Variants in NBPF12 observed in about 807,000 individuals in gnomAD.
NBPF12 encodes the protein NBPF family member NBPF12.
In NBPF12, 115 loss-of-function variants were observed where a neutral mutation model predicts 146.4. The observed-to-expected ratio is 0.79, with a 90% CI of 0.68 to 0.92. The LOEUF (loss-of-function observed/expected upper bound fraction) is 0.92, where lower values mean the gene tolerates loss of function less well. Among genes scored for constraint, NBPF12 ranks in the 40% least tolerant of loss-of-function variants. The probability of loss-of-function intolerance (pLI) is 0.00; values close to 1 mark genes in which losing one functional copy is unlikely to be tolerated. For missense variants in NBPF12, 1,205 were observed against 1,326.8 expected, an observed-to-expected ratio of 0.91 and a Z score of 1.43; for synonymous variants, 385 against 508.9, an observed-to-expected ratio of 0.76 and a Z score of 3.28.
rs878862410 is a variant in NBPF12, at chr1:146,940,844, C to A, written c.-822+1862C>A. On this transcript the variant is annotated intron_variant, in intron 1 of 35. Transcript: ENST00000617931. ...CAGTAATATATCAATGCGGTTTCAACTTCCATTTTCCTGGTATTGAGATTG... is the reference window on the plus strand; with the variant it reads ...CAGTAATATATCAATGCGGTTTCAAATTCCATTTTCCTGGTATTGAGATTG... Among the ~76,000 whole-genome samples the A allele has an allele frequency of 2.6e-5, 4 of 151,994 alleles. No individual in the cohort carries two copies. The East Asian group carries it at 7.7e-4, about 29-fold the overall frequency.
At chr1:146,961,334 G>A (rs1419810817) in intron 4 of NBPF12, among the ~76,000 whole-genome samples, 22,220 of 150,922 alleles carry the variant, frequency 0.15, 1,980 homozygotes, top group Admixed American at 0.27. Context: ...TGTCTCCTGG[G>A]CTCCATCCAA....
At position 146,972,001 on chromosome 1, in the gene NBPF12, TG is replaced by T. The variant is rs1487536713; in HGVS notation, c.1591+609del. On this transcript the variant is annotated intron_variant, in intron 13 of 33. Coordinates refer to ENST00000617844, the Ensembl canonical transcript of NBPF12. Reference sequence around the variant, plus strand: ...TACTTGGGAGGCTGAGGCAGGAGAATGGCATGAACCCAGGAACCGGATCTTG... The same window carrying T: ...TACTTGGGAGGCTGAGGCAGGAGAATGCATGAACCCAGGAACCGGATCTTG... Among the ~76,000 whole-genome samples the T allele has an allele frequency of 3.4e-5, 5 of 146,704 alleles. No homozygotes were observed. The East Asian group carries it at 9.9e-4, about 29-fold the overall frequency.
exon 18 of NBPF12, chr1:146,977,567 C>T: frequency 1.2e-6 from 2 of 1,613,144 alleles, no homozygotes; most frequent in Non-Finnish European, 1.7e-6. Flanking sequence ...TCCAACCAGC[C>T]ACATAGGAAA....
Position 146,959,532 on chromosome 1 carries a change from G to A in NBPF12, c.-183-327G>A, listed in dbSNP as rs1424354091. On this transcript the variant is annotated intron_variant, in intron 2 of 33. Transcript: ENST00000617844. ...GTCAAAACAAGAGAACATACTAAAT[G>A]ATTCCATTTTTTTATTTATGACTTC... is the stretch of plus-strand genomic sequence containing the variant. 1.3e-4 allele frequency among the ~76,000 whole-genome samples: 8 copies of A among 60,660 alleles called. No homozygotes were observed. The Admixed American group carries it at 1.5e-3, about 11-fold the overall frequency. The allele number at this position is 60,660 out of a possible 152,430, so 39.8% of individuals were successfully genotyped here.
chr1:146,975,280 C>T (rs1171687946), intron 15 of NBPF12, among the ~76,000 whole-genome samples: 1 of 130,028 alleles, frequency 7.7e-6, no homozygotes, highest in Non-Finnish European at 1.6e-5. Flanking sequence ...TTTCAATTCG[C>T]CCTATCTGCA....
At chr1:146,970,607 T>G in intron 11 of NBPF12, 40 bp from the exon 15 acceptor site, 1 of 1,568,730 alleles carries the variant, frequency 6.4e-7, no homozygotes, top group Non-Finnish European at 8.7e-7. Flanking sequence ...TTGCAGAATG[T>G]GAAGTGGAAA....
At chr1:146,980,202 G>A (rs1410499613) in intron 19 of NBPF12, among the ~76,000 whole-genome samples, 7 of 152,112 alleles carry the variant, frequency 4.6e-5, no homozygotes, top group Non-Finnish European at 1.0e-4. Flanking sequence ...TTGAGCCTAT[G>A]TGTGTCTCTG....
intron 1 of NBPF12, among the ~76,000 whole-genome samples, chr1:146,940,641 A>G (rs1654759319): frequency 6.6e-6 from 1 of 151,930 alleles, no homozygotes; most frequent in African/African-American, 2.4e-5. Context: ...ATATTGGGGT[A>G]TATATGTAGA....
In NBPF12 at chr1:146,992,051, CTG is replaced by C; in HGVS notation, c.3848+6_3848+7del. On this transcript the variant is annotated splice_donor_region_variant and intron_variant, in intron 31 of 33. Transcript: ENST00000617844. ...CCAAGGCCCACCATGCCCCAGGTAA[CTG>C]AGCAATTGTGAACAGCTACTTCTGT... is the stretch of plus-strand genomic sequence containing the variant. 1.8e-6 allele frequency: 1 copy of C among 553,720 alleles called. No individual in the cohort carries two copies. The highest frequency in any genetic ancestry group is 2.0e-5 in the South Asian group (1 of 49,916). 34.3% of individuals were successfully genotyped at this position (553,720 alleles called of 1,614,324 possible). A position where few individuals can be genotyped will look rare whatever the true frequency, so the allele number is the denominator to read the frequency against.
intron 2 of NBPF12, 38 bp downstream of exon 2, chr1:146,943,600 G>A (rs1345084110): frequency 9.3e-7 from 1 of 1,073,900 alleles, no homozygotes; most frequent in Non-Finnish European, 1.2e-6. Flanking sequence ...GATGGGGTCA[G>A]AGAGTCCTCT....
At chr1:146,978,552 GT>G (rs1436902553) in intron 18 of NBPF12, among the ~76,000 whole-genome samples, 1 of 151,502 alleles carries the variant, frequency 6.6e-6, no homozygotes, top group Non-Finnish European at 1.5e-5. Context: ...TAAAGCAAGA[GT>G]TGTTCAAATT....
chr1:146,944,347 G>C (rs1190116980), upstream of NBPF12, among the ~76,000 whole-genome samples: 6 of 144,132 alleles, frequency 4.2e-5, no homozygotes, highest in Non-Finnish European at 9.1e-5. Context: ...AAGGGGCATG[G>C]CCTGTTTGTA....
chr1:146,961,119 A>T (rs1168313680), intron 4 of NBPF12, among the ~76,000 whole-genome samples: 1 of 152,102 alleles, frequency 6.6e-6, no homozygotes, highest in Admixed American at 6.6e-5. Flanking sequence ...GCACTCCAGC[A>T]TGGGTGACAG....
At chr1:146,984,596 TGTGTGTGTGTG>T (rs1657619124) in intron 21 of NBPF12, among the ~76,000 whole-genome samples, 1 of 141,188 alleles carries the variant, frequency 7.1e-6, no homozygotes, top group South Asian at 2.2e-4. Context: ...TGTGTGTGTG[TGTGTGTGTGTG>T]TGTGTGTGTG....
At chr1:146,987,601 C>T (rs1235069961) in intron 25 of NBPF12, among the ~76,000 whole-genome samples, 188 of 151,462 alleles carry the variant, frequency 1.2e-3, no homozygotes, top group African/African-American at 4.3e-3. Flanking sequence ...TGCTGTGTGT[C>T]CTGAGGGCAC....
intron 19 of NBPF12, among the ~76,000 whole-genome samples, chr1:146,980,343 T>A (rs1303277224): frequency 1.3e-5 from 2 of 152,146 alleles, no homozygotes; most frequent in African/African-American, 4.8e-5. Context: ...ATGTGTGAAT[T>A]TGATCCTGTC....
intron 14 of NBPF12, among the ~76,000 whole-genome samples, chr1:146,973,238 G>T (rs1656770205): frequency 6.6e-6 from 1 of 151,002 alleles, no homozygotes; most frequent in Non-Finnish European, 1.5e-5. Context: ...TCTCCAAGAG[G>T]CTCAATCGTG....
At chr1:146,938,914 T>A (rs2101799752) in exon 1 of NBPF12, 1 of 152,140 alleles carries the variant, frequency 6.6e-6, no homozygotes, top group South Asian at 2.1e-4. Flanking sequence ...GGGGCCGAGG[T>A]ACGGCGGCAC....
At position 146,973,834 on chromosome 1, in the gene NBPF12, G is replaced by C. The variant is rs1349848693; in HGVS notation, c.1801+874G>C. ...AAATAAGAATAAAAAGCAGAGAGTA[G>C]CTTGGTGAGAGTGAAGTCCTGCTTC... On this transcript the variant is annotated intron_variant, in intron 14 of 33. Coordinates refer to ENST00000617844, the Ensembl canonical transcript of NBPF12. Among the ~76,000 whole-genome samples the C allele has an allele frequency of 2.0e-5, 3 of 148,016 alleles. 1 individual carries two copies. Among genetic ancestry groups the C allele is most frequent in the Admixed American group, 6.8e-5 (1 of 14,804 alleles).
Sources: gnomAD v4.1 joint callset for allele counts (sites outside exome capture counted in the v4.1 genomes callset) on GRCh38, gnomAD v4.1.1 for gene constraint, MANE v1.5 for transcripts, NCBI Gene and HGNC (gene_info 2026-07-23, HGNC 2026-07-21) for gene names.